MACROD2: variants seen among roughly 807,000 people sequenced by gnomAD.
MACROD2 encodes the protein mono-ADP ribosylhydrolase 2, also known as ADP-ribose glycohydrolase MACROD2.
Under a neutral mutation model 70.4 loss-of-function variants are expected in MACROD2, and 36 were observed. The ratio of observed to expected loss-of-function variants is 0.51; its 90% CI spans 0.39 to 0.68. The LOEUF is 0.68. Among genes scored for constraint, MACROD2 ranks in the 30% least tolerant of loss-of-function variants. The pLI is 0.00. For missense variants in MACROD2, 496 were observed against 538.4 expected, an observed-to-expected ratio of 0.92 and a Z score of 0.78; for synonymous variants, 172 against 178.8, an observed-to-expected ratio of 0.96 and a Z score of 0.30.
intron 5 of MACROD2, among the ~76,000 whole-genome samples, chr20:15,176,080 G>A (rs1372895499): frequency 1.3e-5 from 2 of 152,230 alleles, no homozygotes; most frequent in Admixed American, 6.5e-5. Flanking sequence ...TTGCAATGTG[G>A]CCAGGTATGT....
chr20:15,595,583 G>A (rs1319179882), intron 8 of MACROD2, among the ~76,000 whole-genome samples: 1 of 152,142 alleles, frequency 6.6e-6, no homozygotes, highest in Non-Finnish European at 1.5e-5. Flanking sequence ...GGAAAATGCA[G>A]CTATCAAGAA....
intron 5 of MACROD2, among the ~76,000 whole-genome samples, chr20:15,187,845 A>G (rs1029340936): frequency 6.6e-6 from 1 of 152,142 alleles, no homozygotes; most frequent in Non-Finnish European, 1.5e-5. Context: ...GTGTTCTCAG[A>G]AATTGGTTGT....
chr20:16,029,700 A>G (rs2067127340), intron 15 of MACROD2, among the ~76,000 whole-genome samples: 1 of 152,178 alleles, frequency 6.6e-6, no homozygotes, highest in South Asian at 2.1e-4. Context: ...AGAAAAGGCC[A>G]AGGAAATTTC....
chr20:15,748,837 C>T lies in MACROD2; in HGVS notation c.646-113908C>T, dbSNP rs116648708. Among the ~76,000 whole-genome samples the T allele has an allele frequency of 5.3e-3, 800 of 152,156 alleles. 11 individuals carry two copies. The highest frequency in any genetic ancestry group is 0.018 in the African/African-American group (731 of 41,536). On this transcript the variant is annotated intron_variant, in intron 8 of 17. Coordinates refer to ENST00000684519, the MANE Select transcript of MACROD2 (RefSeq NM_001351661.2). ...TTCTCTAATGATATTTTGACAAACA[C>T]GTATATACTGTGTGGGGAGGTGGAG...
intron 5 of MACROD2, among the ~76,000 whole-genome samples, chr20:15,102,895 T>C (rs1377340281): frequency 6.6e-6 from 1 of 152,060 alleles, no homozygotes; most frequent in Non-Finnish European, 1.5e-5. Context: ...TAGAAATGCA[T>C]ATCAAAAGCA....
At chr20:15,453,560 T>C (rs187214879) in intron 7 of MACROD2, among the ~76,000 whole-genome samples, 1 of 152,184 alleles carries the variant, frequency 6.6e-6, no homozygotes, top group Non-Finnish European at 1.5e-5. Context: ...TGAAATCTTA[T>C]GTGTTATTTG....
chr20:15,620,988 G>A lies in MACROD2; in HGVS notation c.645+121141G>A, dbSNP rs147340381. On this transcript the variant is annotated intron_variant, in intron 8 of 17. Coordinates refer to ENST00000684519, the MANE Select transcript of MACROD2 (RefSeq NM_001351661.2). ...GAAGGTCACAGAAAAAAAGTTTTGT[G>A]GACTCCCCGGTGATAACTGGGGGCC... Among the ~76,000 whole-genome samples the A allele has an allele frequency of 3.7e-4, 56 of 152,206 alleles. No individual in the cohort carries two copies. In the East Asian group the frequency reaches 9.7e-3, roughly 26 times the overall value.
rs78090585 is a variant in MACROD2, at chr20:14,722,462, C to T, written c.418+37503C>T. 4.6e-3 allele frequency among the ~76,000 whole-genome samples: 696 copies of T among 152,292 alleles called. 35 individuals are homozygous for T. In the East Asian group the frequency reaches 0.11, roughly 23 times the overall value. On this transcript the variant is annotated intron_variant, in intron 5 of 17. Coordinates refer to ENST00000684519, the MANE Select transcript of MACROD2 (RefSeq NM_001351661.2). ...GCACAAAGACCCTGAACACGTTTTTCTTTCCCCCTGTACTTTCCTCACACC... is the reference window on the plus strand; with the variant it reads ...GCACAAAGACCCTGAACACGTTTTTTTTTCCCCCTGTACTTTCCTCACACC...
chr20:16,042,872 G>A (rs2067326379), intron 16 of MACROD2, among the ~76,000 whole-genome samples: 2 of 152,104 alleles, frequency 1.3e-5, no homozygotes, highest in Middle Eastern at 3.4e-3. Flanking sequence ...TTCCTTATTG[G>A]GAGAGAGTTC....
At chr20:14,565,440 A>G (rs979067787) in intron 4 of MACROD2, among the ~76,000 whole-genome samples, 1 of 102,300 alleles carries the variant, frequency 9.8e-6, no homozygotes, top group African/African-American at 3.7e-5. Flanking sequence ...TTTCCCTCCC[A>G]CCCCTCCCTC....
chr20:14,449,334 C>T (rs376625485), intron 3 of MACROD2, among the ~76,000 whole-genome samples: 11 of 152,242 alleles, frequency 7.2e-5, no homozygotes, highest in African/African-American at 2.6e-4. Context: ...GATCAATCAA[C>T]AGACTTTTTC....
intron 6 of MACROD2, among the ~76,000 whole-genome samples, chr20:15,409,525 G>C (rs1412075985): frequency 6.6e-6 from 1 of 152,194 alleles, no homozygotes; most frequent in Non-Finnish European, 1.5e-5. Flanking sequence ...ATATGGCACT[G>C]ATATGAGCAT....
chr20:15,100,760 A>G (rs2075866062), intron 5 of MACROD2, among the ~76,000 whole-genome samples: 1 of 152,184 alleles, frequency 6.6e-6, no homozygotes, highest in African/African-American at 2.4e-5. Context: ...CTGTGAAAGC[A>G]AATGCTGACT....
intron 3 of MACROD2, among the ~76,000 whole-genome samples, chr20:14,120,856 A>G (rs1043656009): frequency 2.7e-5 from 4 of 150,726 alleles, no homozygotes; most frequent in African/African-American, 4.9e-5. Flanking sequence ...GAGTTGAACA[A>G]TGAGAACACA....
At chr20:16,013,425 A>G (rs2066890024) in intron 15 of MACROD2, among the ~76,000 whole-genome samples, 1 of 152,166 alleles carries the variant, frequency 6.6e-6, no homozygotes, top group South Asian at 2.1e-4. Flanking sequence ...TCTGTACTTT[A>G]CCTTGTACCT....
intron 3 of MACROD2, among the ~76,000 whole-genome samples, chr20:14,458,803 G>A (rs2084333737): frequency 6.6e-6 from 1 of 152,086 alleles, no homozygotes; most frequent in Non-Finnish European, 1.5e-5. Context: ...CAATGTTTTA[G>A]TAATGAGTGA....
intron 5 of MACROD2, among the ~76,000 whole-genome samples, chr20:14,951,622 A>T (rs1023374428): frequency 6.6e-6 from 1 of 152,126 alleles, no homozygotes; most frequent in Non-Finnish European, 1.5e-5. Context: ...GGCCCCAGAG[A>T]CTGGACAAAA....
Position 15,012,780 on chromosome 20 carries a change from G to T in MACROD2, c.419-217160G>T, listed in dbSNP as rs536293483. On this transcript the variant is annotated intron_variant, in intron 5 of 17. Coordinates refer to ENST00000684519, the MANE Select transcript of MACROD2 (RefSeq NM_001351661.2). ...GCACAGCTGCTGACAGCCAGTCATT[G>T]TTCCACCCCAGGGCTGCCTGGGAGC... Among the ~76,000 whole-genome samples the T allele has an allele frequency of 3.3e-5, 5 of 152,250 alleles. No individual in the cohort carries two copies. In the South Asian group the frequency reaches 1.0e-3, roughly 32 times the overall value.
chr20:14,405,349 T>C (rs945603470), intron 3 of MACROD2, among the ~76,000 whole-genome samples: 7 of 152,184 alleles, frequency 4.6e-5, no homozygotes, highest in African/African-American at 1.4e-4. Flanking sequence ...CTGACTATTA[T>C]GGAAGGGTTT....
Sources: gnomAD v4.1 joint callset for allele counts (sites outside exome capture counted in the v4.1 genomes callset) on GRCh38, gnomAD v4.1.1 for gene constraint, MANE v1.5 for transcripts, NCBI Gene and HGNC (gene_info 2026-07-23, HGNC 2026-07-21) for gene names.